CCDC7: variants seen among roughly 807,000 people sequenced by gnomAD.
CCDC7 encodes the protein coiled-coil domain containing 7.
In CCDC7, 183 loss-of-function variants were observed where a neutral mutation model predicts 196.9. That is an observed-to-expected ratio of 0.93 (90% CI 0.82 to 1.05). CCDC7 has a LOEUF of 1.05. Ranked by LOEUF, CCDC7 falls within the 50% of genes least tolerant of loss-of-function variation. CCDC7 has a pLI of 0.00. For synonymous variants in CCDC7, 525 were observed against 484.6 expected, an observed-to-expected ratio of 1.08 and a Z score of -1.10; for missense variants, 1,540 against 1,482.2, an observed-to-expected ratio of 1.04 and a Z score of -0.64.
At chr10:32,590,766 A>G (rs2059709304) in intron 18 of CCDC7, among the ~76,000 whole-genome samples, 1 of 152,120 alleles carries the variant, frequency 6.6e-6, no homozygotes, top group African/African-American at 2.4e-5. Context: ...ATTCTAGGGT[A>G]AAAGTCTTTT....
chr10:32,462,922 G>A, intron 4 of CCDC7, 95 bp from the exon 6 acceptor site: 1 of 1,544,878 alleles, frequency 6.5e-7, no homozygotes, highest in African/African-American at 1.4e-5. Flanking sequence ...TGAAGATTCA[G>A]AGACACAGAC....
chr10:32,517,867 AAAAG>A lies in CCDC7; in HGVS notation c.873-74_873-71del, dbSNP rs919469749. 5 of 1,518,848 alleles carry A rather than the reference AAAAG, an allele frequency of 3.3e-6. No homozygotes were observed. The African/African-American group carries it at 7.1e-5, about 22-fold the overall frequency. 94.1% of individuals were successfully genotyped at this position (1,518,848 alleles called of 1,614,324 possible). A position where few individuals can be genotyped will look rare whatever the true frequency, so the allele number is the denominator to read the frequency against. ...TAATTACTGAATACCAAAAGAAAAA[AAAAG>A]AAAATGTGTGTGTTTCATAAATTAA... On this transcript the variant is annotated intron_variant, in intron 9 of 41. Transcript: ENST00000639629.
At chr10:32,467,092 A>G (rs948637108) in intron 5 of CCDC7, among the ~76,000 whole-genome samples, 2 of 146,508 alleles carry the variant, frequency 1.4e-5, no homozygotes, top group South Asian at 2.1e-4. Context: ...AGCGTCGTTC[A>G]TGTCCTTTGT....
chr10:32,608,757 T>C (rs959379658), intron 18 of CCDC7, among the ~76,000 whole-genome samples: 6 of 152,202 alleles, frequency 3.9e-5, no homozygotes, highest in Non-Finnish European at 7.4e-5. Flanking sequence ...CCCAGGCTGG[T>C]CTCGAACTCC....
chr10:32,636,129 A>G (rs910870111), intron 20 of CCDC7, among the ~76,000 whole-genome samples: 2 of 152,220 alleles, frequency 1.3e-5, no homozygotes, highest in South Asian at 2.1e-4. Context: ...TGATTTGCTT[A>G]TATCATGTGA....
At chr10:32,642,699 AC>A (rs2067056655) in intron 20 of CCDC7, among the ~76,000 whole-genome samples, 1 of 152,068 alleles carries the variant, frequency 6.6e-6, no homozygotes, top group Non-Finnish European at 1.5e-5. Context: ...AGTGTGATGA[AC>A]CCAGTACCTC....
At chr10:32,463,656 T>C (rs757447289) in intron 5 of CCDC7, among the ~76,000 whole-genome samples, 1 of 152,216 alleles carries the variant, frequency 6.6e-6, no homozygotes, top group Non-Finnish European at 1.5e-5. Flanking sequence ...GTCACACTTA[T>C]GGTTCAGTCC....
chr10:32,635,875 A>C (rs1418034746), intron 20 of CCDC7, among the ~76,000 whole-genome samples: 1 of 151,834 alleles, frequency 6.6e-6, no homozygotes, highest in Non-Finnish European at 1.5e-5. Flanking sequence ...ATTTAGTCTT[A>C]TTATTGATAA....
intron 13 of CCDC7, among the ~76,000 whole-genome samples, chr10:32,557,952 T>A (rs951517387): frequency 3.3e-5 from 5 of 152,208 alleles, no homozygotes; most frequent in African/African-American, 1.2e-4. Context: ...CTTGGCCTCC[T>A]GAAATGCTGG....
At chr10:32,466,888 A>C (rs1027037860) in intron 5 of CCDC7, among the ~76,000 whole-genome samples, 2 of 152,178 alleles carry the variant, frequency 1.3e-5, no homozygotes, top group African/African-American at 4.8e-5. Context: ...TACTCCCACC[A>C]ACAATGTATA....
rs1178148293 is a variant in CCDC7 at position 32,591,094 on chromosome 10, C to G, written c.1801+6790C>G. On this transcript the variant is annotated intron_variant, in intron 18 of 41. Coordinates refer to ENST00000639629, the Ensembl canonical transcript of CCDC7. ...ACCCCTATCTCCCTCTTTCTACCTC[C>G]TCTCTGAGGCCAGTAACTCTTAAAT... 3.3e-5 allele frequency among the ~76,000 whole-genome samples: 5 copies of G among 152,142 alleles called. No individual in the cohort carries two copies. The East Asian group carries it at 9.7e-4, about 30-fold the overall frequency.
At chr10:32,631,674 A>C (rs1373115166) in intron 18 of CCDC7, among the ~76,000 whole-genome samples, 1 of 3,992 alleles carries the variant, frequency 2.5e-4, no homozygotes. Context: ...AATTTCTACA[A>C]AAAAAAAAAA....
At chr10:32,634,354 A>C (rs1474643984) in exon 19 of CCDC7, 1 of 1,124,204 alleles carries the variant, frequency 8.9e-7, no homozygotes, top group Admixed American at 4.3e-5. Flanking sequence ...CTAGTATGGA[A>C]AGACATGAGG....
chr10:32,635,350 C>CT (rs1439634398), intron 20 of CCDC7, among the ~76,000 whole-genome samples, 192 bp downstream of exon 21: 1 of 151,798 alleles, frequency 6.6e-6, no homozygotes, highest in African/African-American at 2.4e-5. Flanking sequence ...TTCCTTGTTC[C>CT]TTTTTATAAT....
At chr10:32,711,774 T>C (rs2080877104) in intron 25 of CCDC7, 44 bp downstream of exon 26, 1 of 1,226,174 alleles carries the variant, frequency 8.2e-7, no homozygotes, top group South Asian at 1.6e-5. Context: ...TTTAAGTAAA[T>C]CTCAAAAGAA....
At chr10:32,705,414 C>T (rs1424693121) in intron 24 of CCDC7, among the ~76,000 whole-genome samples, 9 of 152,028 alleles carry the variant, frequency 5.9e-5, no homozygotes, top group African/African-American at 1.4e-4. Flanking sequence ...CACCAACTAA[C>T]GAGCAAAAGA....
intron 8 of CCDC7, among the ~76,000 whole-genome samples, chr10:32,484,148 T>A (rs1370794180): frequency 1.3e-5 from 2 of 152,230 alleles, no homozygotes; most frequent in Non-Finnish European, 2.9e-5. Context: ...TTCTTCCATT[T>A]ATTTGTGTCC....
rs1221219105 is a variant in CCDC7, at chr10:32,584,315, T to C, written c.1801+11T>C. On this transcript the variant is annotated intron_variant, in intron 18 of 41. Transcript: ENST00000639629. ...CAGAAAAATCTCAAGGTAAAAAGAC[T>C]CTGTTTTGGAAGATGAAAATGTGAT... The C allele has an allele frequency of 1.3e-6, 2 of 1,561,268 alleles. No individual in the cohort carries two copies. The highest frequency in any genetic ancestry group is 1.7e-5 in the Admixed American group (1 of 59,196).
intron 18 of CCDC7, among the ~76,000 whole-genome samples, chr10:32,616,185 G>A (rs961476197): frequency 2.6e-5 from 4 of 151,622 alleles, no homozygotes; most frequent in African/African-American, 7.3e-5. Context: ...TTATTTTATC[G>A]AATTCTATGA....
Sources: allele counts gnomAD v4.1 joint callset (sites outside exome capture counted in the v4.1 genomes callset), GRCh38; gene constraint gnomAD v4.1.1; transcripts MANE v1.5; gene names NCBI Gene and HGNC (gene_info 2026-07-23, HGNC 2026-07-21).